The following TOGARAM2 variants were observed in gnomAD, a reference collection of about 807,000 sequenced individuals.
TOGARAM2 encodes the protein TOG array regulator of axonemal microtubules 2.
TOGARAM2 carries 85 observed loss-of-function variants against 93.3 expected under a neutral mutation model. The ratio of observed to expected loss-of-function variants is 0.91; its 90% CI spans 0.76 to 1.09. The LOEUF (loss-of-function observed/expected upper bound fraction) is 1.09. Among genes scored for constraint, TOGARAM2 ranks in the 50% least tolerant of loss-of-function variants. The probability of loss-of-function intolerance (pLI) is 0.00; values close to 1 mark genes in which losing one functional copy is unlikely to be tolerated. For missense variants in TOGARAM2, 1,277 were observed against 1,334.5 expected, an observed-to-expected ratio of 0.96 and a Z score of 0.67; for synonymous variants, 593 against 552.8, an observed-to-expected ratio of 1.07 and a Z score of -1.02.
chr2:29,036,607 T>A lies in TOGARAM2; in HGVS notation c.2485T>A (p.Ser829Thr). 6.2e-7 allele frequency: 1 copy of A among 1,613,834 alleles called. No individual in the cohort carries two copies. The highest frequency in any genetic ancestry group is 1.1e-5 in the South Asian group (1 of 91,052). Reference protein sequence around the residue: ...NKKVNQWALESFAKMIPLLRE... With the variant: ...NKKVNQWALETFAKMIPLLRE... The stretch of plus-strand genomic sequence containing the variant: ...GAAAGTGAACCAGTGGGCGCTGGAG[T>A]CCTTCGCCAAGATGATCCCCCTCCT... The change falls in exon 18 of 20, where the codon TCC (serine) becomes ACC (threonine). Residue 829 changes from serine to threonine, a missense_variant. Coordinates refer to ENST00000379558, the MANE Select transcript of TOGARAM2 (RefSeq NM_199280.4).
At chr2:29,017,396 A>T (rs1664651447) in intron 9 of TOGARAM2, 92 bp downstream of exon 9, 68 of 1,244,622 alleles carry the variant, frequency 5.5e-5, no homozygotes, top group Non-Finnish European at 7.0e-5. Flanking sequence ...CTTTTTTAAA[A>T]TTTTTATTAG....
At position 28,975,961 on chromosome 2, in the gene TOGARAM2, GTACAGGAATA is replaced by G. The variant is rs1672020458; in HGVS notation, c.-146-18762_-146-18753del. Among the ~76,000 whole-genome samples, 4 of 18,376 alleles carry G rather than the reference GTACAGGAATA, an allele frequency of 2.2e-4. No individual in the cohort carries two copies. The Admixed American group carries it at 2.7e-3, about 12-fold the overall frequency. The allele number at this position is 18,376 out of a possible 152,430, so 12.1% of individuals were successfully genotyped here. ...GCTTTTTAAAAAAATGACAATATAT[GTACAGGAATA>G]TGTACATATTATAAGTATGTGAAAC... is the stretch of plus-strand genomic sequence containing the variant. On this transcript the variant is annotated intron_variant, in intron 1 of 6. Coordinates refer to the TOGARAM2 transcript ENST00000401723.
At chr2:29,027,451 T>G (rs1167289509) in intron 14 of TOGARAM2, among the ~76,000 whole-genome samples, 5 of 152,170 alleles carry the variant, frequency 3.3e-5, no homozygotes, top group Admixed American at 6.5e-5. Context: ...ATGGTAATTT[T>G]AGATACATAT....
chr2:28,963,400 G>A (rs1033689964), intron 1 of TOGARAM2, among the ~76,000 whole-genome samples: 2 of 152,092 alleles, frequency 1.3e-5, no homozygotes, highest in African/African-American at 4.8e-5. Flanking sequence ...TAGAGATGAG[G>A]TCTTGCTCTG....
chr2:28,970,222 C>G (rs1298573965), intron 1 of TOGARAM2, among the ~76,000 whole-genome samples: 2 of 152,150 alleles, frequency 1.3e-5, no homozygotes, highest in South Asian at 4.1e-4. Context: ...TAATGATTTG[C>G]ATGAGGCCCC....
intron 13 of TOGARAM2, among the ~76,000 whole-genome samples, chr2:29,026,009 C>T (rs1329918644): frequency 2.6e-5 from 4 of 152,130 alleles, no homozygotes; most frequent in Non-Finnish European, 4.4e-5. Context: ...CCCGAGGGGC[C>T]TGGAACATGC....
At chr2:29,035,344 C>A (rs1666024041) in intron 16 of TOGARAM2, 120 bp from the exon 17 acceptor site, 3 of 919,450 alleles carry the variant, frequency 3.3e-6, no homozygotes, top group Admixed American at 4.1e-5. Flanking sequence ...GGTGGACTAA[C>A]CTGCAGGTGA....
intron 6 of TOGARAM2, 33 bp from the exon 7 acceptor site, chr2:29,011,422 T>C: frequency 1.2e-6 from 2 of 1,608,866 alleles, no homozygotes; most frequent in Non-Finnish European, 1.7e-6. Context: ...TGGCCATCCC[T>C]CATGATGCTT....
intron 1 of TOGARAM2, among the ~76,000 whole-genome samples, chr2:28,989,427 G>T (rs979163820): frequency 4.7e-5 from 7 of 148,146 alleles, no homozygotes; most frequent in African/African-American, 1.5e-4. Context: ...TTTGAGACAG[G>T]GTCTTTGTCG....
chr2:29,048,834 A>G (rs1306613727), intron 19 of TOGARAM2: 1 of 137,270 alleles, frequency 7.3e-6, no homozygotes, highest in Non-Finnish European at 1.5e-5. Flanking sequence ...GCCCACCACA[A>G]CACCCAGCTA....
rs111463302 is a variant in TOGARAM2, at chr2:28,966,825, A to T, written c.-147+10128A>T. ...ACATGATGGTTTATAATGGCTGCCT[A>T]CTCCCCAAGAGCACAGGAGAAATGG... On this transcript the variant is annotated intron_variant, in intron 1 of 6. Transcript: ENST00000401723. Among the ~76,000 whole-genome samples the T allele has an allele frequency of 5.9e-3, 891 of 152,144 alleles. 6 individuals are homozygous for T. Among genetic ancestry groups the T allele is most frequent in the African/African-American group, 0.021 (854 of 41,494 alleles).
At chr2:28,991,263 G>T (rs537620777) in intron 1 of TOGARAM2, among the ~76,000 whole-genome samples, 52 of 152,238 alleles carry the variant, frequency 3.4e-4, no homozygotes, top group African/African-American at 1.2e-3. Flanking sequence ...GCCCCACTGT[G>T]TCTGAGCCCA....
intron 6 of TOGARAM2, among the ~76,000 whole-genome samples, chr2:29,006,120 T>G (rs1431241481): frequency 3.9e-5 from 2 of 50,850 alleles, no homozygotes; most frequent in Non-Finnish European, 1.1e-4. Context: ...AGTGCATATG[T>G]GTGTGCATGT....
intron 17 of TOGARAM2, among the ~76,000 whole-genome samples, chr2:29,036,044 T>C (rs932187872): frequency 1.3e-5 from 2 of 151,908 alleles, no homozygotes; most frequent in East Asian, 1.9e-4. Context: ...AAGCCCTTCA[T>C]AGGCTGAACA....
At chr2:29,045,551 T>C (rs1407694300) in intron 19 of TOGARAM2, 141 bp downstream of exon 19, 4 of 731,978 alleles carry the variant, frequency 5.5e-6, no homozygotes, top group South Asian at 3.1e-5. Context: ...ATCTGCTTTT[T>C]TTGTGTGTGA....
At chr2:29,005,753 G>A (rs1024485400) in intron 6 of TOGARAM2, among the ~76,000 whole-genome samples, 1 of 12,826 alleles carries the variant, frequency 7.8e-5, no homozygotes, top group African/African-American at 1.2e-4. Flanking sequence ...ATGTGTGTAT[G>A]TGTGTGTGTG....
At chr2:29,003,866 G>T (rs554615586) in intron 6 of TOGARAM2, among the ~76,000 whole-genome samples, 184 bp downstream of exon 6, 1 of 152,358 alleles carries the variant, frequency 6.6e-6, no homozygotes, top group South Asian at 2.1e-4. Context: ...TGGTTGCCGG[G>T]GCTTCTCTGC....
At position 29,036,493 on chromosome 2, in the gene TOGARAM2, T is replaced by C. The variant is rs371706996; in HGVS notation, c.2419-48T>C. On this transcript the variant is annotated intron_variant, in intron 17 of 19. Coordinates refer to ENST00000379558, the MANE Select transcript of TOGARAM2 (RefSeq NM_199280.4). ...CAAGCTGCCTGCACTGTGGGAGTCC[T>C]GCCCAGCCTGGGTTCCCATGGGCTC... 1.3e-4 allele frequency: 206 copies of C among 1,600,416 alleles called. 1 individual carries two copies. Among genetic ancestry groups the C allele is most frequent in the Admixed American group, 2.0e-4 (12 of 59,596 alleles).
intron 4 of TOGARAM2, among the ~76,000 whole-genome samples, chr2:28,999,742 G>C (rs1673188758): frequency 1.3e-5 from 2 of 152,230 alleles, no homozygotes; most frequent in South Asian, 4.1e-4. Context: ...TTAAGCAAAT[G>C]TTCTTCCCAT....
Sources: gnomAD v4.1 joint callset for allele counts (sites outside exome capture counted in the v4.1 genomes callset) on GRCh38, gnomAD v4.1.1 for gene constraint, MANE v1.5 for transcripts, NCBI Gene and HGNC (gene_info 2026-07-23, HGNC 2026-07-21) for gene names.